PISD: variants seen among roughly 807,000 people sequenced by gnomAD.
The protein encoded by PISD is phosphatidylserine decarboxylase proenzyme, mitochondrial.
In PISD, 31 loss-of-function variants were observed where a neutral mutation model predicts 43.5. The ratio of observed to expected loss-of-function variants is 0.71; its 90% CI spans 0.54 to 0.96. The LOEUF is 0.96. Ranked by LOEUF, PISD falls within the 40% of genes least tolerant of loss-of-function variation. The pLI is 0.00. For missense variants in PISD, 523 were observed against 548.4 expected, an observed-to-expected ratio of 0.95 and a Z score of 0.46; for synonymous variants, 259 against 228.7, an observed-to-expected ratio of 1.13 and a Z score of -1.20.
At chr22:31,647,995 G>C in intron 3 of PISD, 106 bp downstream of exon 3, 1 of 984,396 alleles carries the variant, frequency 1.0e-6, no homozygotes, top group Non-Finnish European at 1.5e-6. Context: ...TGAGTTCCAA[G>C]AAAGCATATT....
Position 31,637,156 on chromosome 22 carries a change from AAAAAAAAAATATATATATATATATATAT to A in PISD, c.321+10917_321+10944del, listed in dbSNP as rs1322162241. On this transcript the variant is annotated intron_variant, in intron 3 of 7. Transcript: ENST00000439502. ...TAATAAATAAATTAAAAAAAAAAAA[AAAAAAAAAATATATATATATATATATAT>A]ATATATATATATATATATATATAGA... 2.1e-4 allele frequency among the ~76,000 whole-genome samples: 9 copies of A among 42,422 alleles called. No homozygotes were observed. The South Asian group carries it at 6.3e-3, about 30-fold the overall frequency. 27.8% of individuals were successfully genotyped at this position (42,422 alleles called of 152,430 possible).
intron 3 of PISD, among the ~76,000 whole-genome samples, chr22:31,631,865 C>T (rs1398563361): frequency 1.3e-5 from 2 of 152,184 alleles, no homozygotes; most frequent in African/African-American, 4.8e-5. Context: ...TCATTCTGAG[C>T]CACTGAACAG....
At chr22:31,642,999 G>T (rs1021825931) in intron 3 of PISD, among the ~76,000 whole-genome samples, 1 of 151,504 alleles carries the variant, frequency 6.6e-6, no homozygotes, top group African/African-American at 2.4e-5. Context: ...CTACTTGGGA[G>T]GCTGAAGCAG....
intron 3 of PISD, among the ~76,000 whole-genome samples, chr22:31,637,170 T>A (rs1176632309): frequency 3.2e-4 from 8 of 25,350 alleles, no homozygotes; most frequent in African/African-American, 1.7e-3. Context: ...AAAAAATATA[T>A]ATATATATAT....
intron 3 of PISD, chr22:31,638,726 A>T (rs2073593986): frequency 1.8e-6 from 1 of 557,304 alleles, no homozygotes; most frequent in Non-Finnish European, 2.3e-6. Flanking sequence ...GGCTCAAGAG[A>T]TCTTCCTGCC....
intron 3 of PISD, among the ~76,000 whole-genome samples, chr22:31,637,149 AAAAAAAAAAAAAAAAATATATAT>A (rs2073481235): frequency 6.2e-5 from 1 of 16,130 alleles, no homozygotes; most frequent in Non-Finnish European, 1.1e-4. Context: ...AAATTAAAAA[AAAAAAAAAAAAAAAAATATATAT>A]ATATATATAT....
At chr22:31,621,577 A>G (rs1232691749) in intron 4 of PISD, 72 bp downstream of exon 4, 1 of 1,597,340 alleles carries the variant, frequency 6.3e-7, no homozygotes, top group East Asian at 2.2e-5. Context: ...GATACGCTGG[A>G]GACCAGGGGG....
At position 31,648,113 on chromosome 22, in the gene PISD, A is replaced by G; in HGVS notation, c.309T>C (p.Ala103=). ...ACCTCATTCCTACCTCCCAGTGACC[A>G]GCAAGTTTGGGTGGAATCTCCAATC... The part of the protein sequence containing the change: ...KLGLEIPPKL[A]GHWEVALYKS... The change falls in exon 3 of 8, where the codon GCT becomes GCC. Residue 103 remains alanine (A), a synonymous_variant. Coordinates refer to ENST00000439502, the MANE Select transcript of PISD (RefSeq NM_001326411.2). 1 of 1,611,398 alleles carries G rather than the reference A, an allele frequency of 6.2e-7. No homozygotes were observed.
intron 1 of PISD, among the ~76,000 whole-genome samples, chr22:31,657,572 G>A (rs2074214867): frequency 6.6e-6 from 1 of 151,848 alleles, no homozygotes; most frequent in Non-Finnish European, 1.5e-5. Flanking sequence ...GCCCAGGCTG[G>A]AGTGCAATGG....
intron 3 of PISD, chr22:31,626,137 GT>G (rs1569483266): frequency 1.4e-5 from 13 of 945,336 alleles, no homozygotes; most frequent in Non-Finnish European, 1.7e-5. Flanking sequence ...CACCTGCTCT[GT>G]CCCTGCTACC....
chr22:31,624,684 T>G, intron 3 of PISD, among the ~76,000 whole-genome samples: 1 of 96,436 alleles, frequency 1.0e-5, no homozygotes, highest in Non-Finnish European at 2.2e-5. Flanking sequence ...CACACACCCA[T>G]CCCAAGCCCC....
Position 31,630,785 on chromosome 22 carries a change from G to A in PISD, c.322-8900C>T. 2.0e-6 allele frequency: 2 copies of A among 985,608 alleles called. No homozygotes were observed. Among genetic ancestry groups the A allele is most frequent in the Non-Finnish European group, 1.2e-6 (1 of 830,082 alleles). 61.1% of individuals were successfully genotyped at this position (985,608 alleles called of 1,614,324 possible). ...CTGGGGCTCCCGGCAGGGCCGGGGC[G>A]CCGGCTCCGCTCACTCACCCGCAGG... On this transcript the variant is annotated intron_variant, in intron 3 of 7. Coordinates refer to ENST00000439502, the MANE Select transcript of PISD (RefSeq NM_001326411.2). This position sits in a 1 kb window ranked among gnomAD's most constrained non-coding sequence, Gnocchi z 4.4.
intron 1 of PISD, among the ~76,000 whole-genome samples, chr22:31,656,027 C>T (rs1463479375): frequency 6.6e-6 from 1 of 152,106 alleles, no homozygotes; most frequent in East Asian, 1.9e-4. Flanking sequence ...GGCTCAGTGG[C>T]TCACGCCTGT....
At chr22:31,648,360 A>G in intron 2 of PISD, 84 bp from the exon 3 acceptor site, 1 of 1,222,176 alleles carries the variant, frequency 8.2e-7, no homozygotes, top group Non-Finnish European at 1.2e-6. Flanking sequence ...CAGGAGGGTC[A>G]GGAAAAGTCA....
intron 3 of PISD, among the ~76,000 whole-genome samples, chr22:31,634,263 G>A (rs1211826516): frequency 6.6e-6 from 1 of 152,192 alleles, no homozygotes; most frequent in Admixed American, 6.5e-5. Flanking sequence ...AGATGGCTGG[G>A]GTCTTAACGG....
intron 3 of PISD, among the ~76,000 whole-genome samples, chr22:31,643,899 T>C (rs1312590909): frequency 6.6e-6 from 1 of 151,972 alleles, no homozygotes; most frequent in Non-Finnish European, 1.5e-5. Context: ...ATACAAAAAA[T>C]TAGCCAGGCC....
intron 1 of PISD, among the ~76,000 whole-genome samples, chr22:31,658,756 C>A (rs1449951152): frequency 6.6e-6 from 1 of 152,014 alleles, no homozygotes; most frequent in African/African-American, 2.4e-5. Context: ...TGGTCTCGAA[C>A]TCTTGGGCTC....
At chr22:31,656,649 A>AAAAC (rs781109098) in intron 1 of PISD, among the ~76,000 whole-genome samples, 3 of 149,146 alleles carry the variant, frequency 2.0e-5, no homozygotes, top group African/African-American at 5.0e-5. Flanking sequence ...CTGCGTCTCA[A>AAAAC]AAATAAATAA....
Position 31,619,474 on chromosome 22 carries a change from A to C in PISD, c.*138T>G. The C allele has an allele frequency of 1.4e-6, 1 of 717,676 alleles. No homozygotes were observed. Among genetic ancestry groups the C allele is most frequent in the Non-Finnish European group, 2.5e-6 (1 of 394,798 alleles). The allele number at this position is 717,676 out of a possible 1,614,324, so 44.5% of individuals were successfully genotyped here. On this transcript the variant is annotated 3_prime_UTR_variant, in exon 8 of 8. Coordinates refer to ENST00000439502, the MANE Select transcript of PISD (RefSeq NM_001326411.2). ...CTCTGGAACAGGTGGTAGCCGAATC[A>C]TTCAAGTCCTACCTGGTCAGACTCC...
Sources: gnomAD v4.1 joint callset for allele counts (sites outside exome capture counted in the v4.1 genomes callset) on GRCh38, gnomAD v4.1.1 for gene constraint, Gnocchi (gnomAD v3.1) non-coding constraint, MANE v1.5 for transcripts, NCBI Gene and HGNC (gene_info 2026-07-23, HGNC 2026-07-21) for gene names.